The following RDM1 variants were observed in gnomAD, a reference collection of about 807,000 sequenced individuals.
RDM1 encodes RAD52 motif-containing protein 1.
A neutral mutation model predicts 27.7 loss-of-function variants in RDM1; 28 were observed. The ratio of observed to expected loss-of-function variants is 1.01; its 90% confidence interval spans 0.75 to 1.39. The LOEUF (loss-of-function observed/expected upper bound fraction) is 1.39. Among genes scored for constraint, RDM1 ranks in the 40% most tolerant of loss-of-function variants. RDM1 has a pLI of 0.00. For synonymous variants in RDM1, 124 were observed against 127.5 expected, an observed-to-expected ratio of 0.97 and a Z score of 0.19; for missense variants, 277 against 337.3, an observed-to-expected ratio of 0.82 and a Z score of 1.40.
Position 35,924,691 on chromosome 17 carries a change from A to C in RDM1, c.481T>G (p.Cys161Gly), listed in dbSNP as rs1188650795. 6.2e-7 allele frequency: 1 copy of C among 1,614,214 alleles called. No homozygotes were observed. The highest frequency in any genetic ancestry group is 8.5e-7 in the Non-Finnish European group (1 of 1,180,024). The change falls in exon 4 of 7, where the codon TGT (cysteine) becomes GGT (glycine). Residue 161 changes from cysteine (C) to glycine (G), a missense_variant. Transcript: ENST00000620284. ...GATGGCAACACCACTTCTAAAGCAC[A>C]GAAGAACTTCAGGCTTTGCTTCGGA... ...PLPKQSLKFF[C>G]ALEVVLPSCD...
Position 35,930,071 on chromosome 17 carries a change from C to A in RDM1, c.276+5G>T. On this transcript the variant is annotated splice_donor_5th_base_variant and intron_variant, in intron 2 of 6. Coordinates refer to ENST00000620284, the MANE Select transcript of RDM1 (RefSeq NM_145654.4). ...CGGAGCTAGGAATTCCATATTTGGACCCACCTTGACTGGAGATTTCTGAAA... is the reference window on the plus strand; with the variant it reads ...CGGAGCTAGGAATTCCATATTTGGAACCACCTTGACTGGAGATTTCTGAAA... 1 of 1,609,898 alleles carries A rather than the reference C, an allele frequency of 6.2e-7. No individual in the cohort carries two copies. The highest frequency in any genetic ancestry group is 8.5e-7 in the Non-Finnish European group (1 of 1,177,936).
At chr17:35,927,818 A>G (rs1317980072) in intron 2 of RDM1, among the ~76,000 whole-genome samples, 1 of 152,236 alleles carries the variant, frequency 6.6e-6, no homozygotes, top group Non-Finnish European at 1.5e-5. Context: ...AAAGAGCACT[A>G]AAAACTCATT....
chr17:35,918,263 G>C lies in RDM1; in HGVS notation c.*79C>G. 8.1e-7 allele frequency: 1 copy of C among 1,228,992 alleles called. No individual in the cohort carries two copies. The highest frequency in any genetic ancestry group is 1.2e-6 in the Non-Finnish European group (1 of 841,130). The allele number at this position is 1,228,992 out of a possible 1,614,324, so 76.1% of individuals were successfully genotyped here. A position where few individuals can be genotyped will look rare whatever the true frequency, so the allele number is the denominator to read the frequency against. ...TTCCAGGACTCCAGCAGCCTATAGT[G>C]GTGGGGCGGCGTGGGGTAGGGGCAC... On this transcript the variant is annotated 3_prime_UTR_variant, in exon 7 of 7. Transcript: ENST00000620284.
chr17:35,926,005 G>A (rs1374404779), intron 2 of RDM1, among the ~76,000 whole-genome samples: 1 of 151,904 alleles, frequency 6.6e-6, no homozygotes, highest in African/African-American at 2.4e-5. Context: ...ATGGTGGCAC[G>A]TGCCTGCAGT....
chr17:35,926,385 T>C (rs543969553), intron 2 of RDM1, among the ~76,000 whole-genome samples: 18 of 152,242 alleles, frequency 1.2e-4, no homozygotes, highest in Admixed American at 2.6e-4. Flanking sequence ...TATTAGAAAT[T>C]AATAAGAATT....
chr17:35,921,730 A>T (rs149108865), intron 5 of RDM1, among the ~76,000 whole-genome samples: 29 of 152,300 alleles, frequency 1.9e-4, no homozygotes, highest in Admixed American at 5.9e-4. Context: ...ATAATAGTTA[A>T]TATGTCTGCT....
At position 35,930,249 on chromosome 17, in the gene RDM1, G is replaced by A; in HGVS notation, c.103C>T (p.Leu35=). The A allele has an allele frequency of 6.2e-7, 1 of 1,614,118 alleles. No homozygotes were observed. The highest frequency in any genetic ancestry group is 8.5e-7 in the Non-Finnish European group (1 of 1,180,006). ...CCAAACTGAGAAAATGCTGTGAACA[G>A]AGAATGCTGTGGGGGTGGGACAAGT... ...GPTAEALHHS[L]FTAFSQFGLL... Residue 35 remains leucine, a synonymous_variant, in exon 2 of 7, where the codon CTG becomes TTG. Transcript: ENST00000620284.
Position 35,924,651 on chromosome 17 carries a change from C to A in RDM1, c.521G>T (p.Ser174Ile). 1.2e-6 allele frequency: 2 copies of A among 1,614,108 alleles called. No individual in the cohort carries two copies. The highest frequency in any genetic ancestry group is 1.7e-6 in the Non-Finnish European group (2 of 1,179,980). ...CTCCTCCACCAAGCCAATGCCAGGACTCCTGCAATCACAGGATGGCAACAC... is the reference window on the plus strand; with the variant it reads ...CTCCTCCACCAAGCCAATGCCAGGAATCCTGCAATCACAGGATGGCAACAC... ...EVVLPSCDCR[S>I]PGIGLVEEPM... Residue 174 changes from serine to isoleucine, a missense_variant, in exon 4 of 7, where the codon AGT becomes ATT. Transcript: ENST00000620284.
In RDM1 at chr17:35,930,632, A is replaced by T. The variant is rs143347588; in HGVS notation, c.96T>A (p.His32Gln). 2 of 1,612,640 alleles carry T rather than the reference A, an allele frequency of 1.2e-6. No individual in the cohort carries two copies. The highest frequency in any genetic ancestry group is 1.7e-6 in the Non-Finnish European group (2 of 1,179,702). Residue 32 changes from histidine to glutamine, a missense_variant and splice_region_variant, in exon 1 of 7, where the codon CAT becomes CAA. Coordinates refer to ENST00000620284, the MANE Select transcript of RDM1 (RefSeq NM_145654.4). ...LSSGPTAEAL[H>Q]HSLFTAFSQF... ...TCCCTCCATCCTGGCCCCGGCTCACATGCAAAGCCTCGGCCGTGGGTCCGG... is the reference window on the plus strand; with the variant it reads ...TCCCTCCATCCTGGCCCCGGCTCACTTGCAAAGCCTCGGCCGTGGGTCCGG...
rs755056334 is a variant in RDM1, at chr17:35,921,918, C to CTT, written c.667+657_667+658dup. Among the ~76,000 whole-genome samples, 208 of 116,008 alleles carry CTT rather than the reference C, an allele frequency of 1.8e-3. 1 individual carries two copies. Among genetic ancestry groups the CTT allele is most frequent in the Non-Finnish European group, 2.0e-3 (111 of 55,726 alleles). The allele number at this position is 116,008 out of a possible 152,430, so 76.1% of individuals were successfully genotyped here. On this transcript the variant is annotated intron_variant, in intron 5 of 6. Transcript: ENST00000620284. ...AAGACCTAAAATTGCATTAAAAAATCTTTTTTTTTTTTTTTTTTTTGAGAT... is the reference window on the plus strand; with the variant it reads ...AAGACCTAAAATTGCATTAAAAAATCTTTTTTTTTTTTTTTTTTTTTTGAGAT...
Position 35,930,694 on chromosome 17 carries a change from C to T in RDM1, c.34G>A (p.Glu12Lys), listed in dbSNP as rs753038483. The T allele has an allele frequency of 1.2e-6, 2 of 1,613,998 alleles. No individual in the cohort carries two copies. The highest frequency in any genetic ancestry group is 1.7e-5 in the Admixed American group (1 of 60,026). ...AELVPFAVPI[E>K]SDKTLLVWEL... ...CACACTAGCAAGGTTTTGTCACTCT[C>T]GATGGGAACCGCAAAAGGTACCAAC... Residue 12 changes from glutamate to lysine, a missense_variant, in exon 1 of 7, where the codon GAG becomes AAG. Transcript: ENST00000620284.
At chr17:35,927,259 G>A (rs1037034037) in intron 2 of RDM1, among the ~76,000 whole-genome samples, 1 of 152,022 alleles carries the variant, frequency 6.6e-6, no homozygotes, top group African/African-American at 2.4e-5. Flanking sequence ...GGCCAACATG[G>A]AGAAATCTTG....
At chr17:35,928,985 G>A (rs574942190) in intron 2 of RDM1, among the ~76,000 whole-genome samples, 3 of 151,962 alleles carry the variant, frequency 2.0e-5, no homozygotes, top group African/African-American at 7.3e-5. Flanking sequence ...TGAGGCAGGA[G>A]AATCACTTGA....
At chr17:35,926,190 G>A (rs1052409386) in intron 2 of RDM1, among the ~76,000 whole-genome samples, 37 of 147,746 alleles carry the variant, frequency 2.5e-4, no homozygotes, top group Admixed American at 4.1e-4. Context: ...ACTGAAAGGA[G>A]AGGTATATCT....
chr17:35,922,396 AT>A (rs1007292983), intron 5 of RDM1, 180 bp downstream of exon 5: 79 of 723,926 alleles, frequency 1.1e-4, no homozygotes, highest in African/African-American at 2.8e-4. Context: ...ATTTGCTGTC[AT>A]TTTTTTTCAC....
At chr17:35,921,835 T>G (rs1185640282) in intron 5 of RDM1, among the ~76,000 whole-genome samples, 1 of 152,142 alleles carries the variant, frequency 6.6e-6, no homozygotes, top group Non-Finnish European at 1.5e-5. Flanking sequence ...AACCCCAGTT[T>G]ATAGATGAAG....
intron 5 of RDM1, among the ~76,000 whole-genome samples, chr17:35,920,679 C>T (rs1375211145): frequency 6.6e-6 from 1 of 151,750 alleles, no homozygotes; most frequent in Non-Finnish European, 1.5e-5. Context: ...GGTCTTGAAC[C>T]CCTGGCTTTA....
chr17:35,928,676 C>T (rs574130876), intron 2 of RDM1, among the ~76,000 whole-genome samples: 3 of 151,694 alleles, frequency 2.0e-5, no homozygotes, highest in African/African-American at 7.3e-5. Context: ...GCAGGGGAAT[C>T]GCTTGAACCC....
At chr17:35,924,239 T>TA (rs1232073256) in intron 4 of RDM1, among the ~76,000 whole-genome samples, 3 of 151,158 alleles carry the variant, frequency 2.0e-5, no homozygotes, top group East Asian at 1.9e-4. Context: ...AATAAATAGA[T>TA]AAAAAAAAAT....
Sources: gnomAD v4.1 joint callset for allele counts (sites outside exome capture counted in the v4.1 genomes callset) on GRCh38, gnomAD v4.1.1 for gene constraint, MANE v1.5 for transcripts, NCBI Gene and HGNC (gene_info 2026-07-23, HGNC 2026-07-21) for gene names.